TANC1: variants seen among roughly 807,000 people sequenced by gnomAD.
TANC1 encodes the protein protein TANC1.
A neutral mutation model predicts 149.7 loss-of-function variants in TANC1; 77 were observed. The observed-to-expected ratio is 0.51, with a 90% CI of 0.43 to 0.62. The LOEUF (loss-of-function observed/expected upper bound fraction) is 0.62, where lower values mean the gene tolerates loss of function less well. Among genes scored for constraint, TANC1 ranks in the 20% least tolerant of loss-of-function variants. The pLI, the probability that TANC1 is intolerant of heterozygous loss-of-function variation, is 0.00. For missense variants in TANC1, 1,985 were observed against 2,321.8 expected (o/e 0.85, Z 2.98); for synonymous variants, 854 against 925.0 (o/e 0.92, Z 1.39).
At chr2:159,198,532 A>G (rs1177348236) in intron 18 of TANC1, among the ~76,000 whole-genome samples, 1 of 152,266 alleles carries the variant, frequency 6.6e-6, no homozygotes, top group Admixed American at 6.5e-5. Context: ...GGGAAAAAGA[A>G]TAATGCTACC....
At chr2:158,982,373 T>A (rs2034481899) in intron 1 of TANC1, among the ~76,000 whole-genome samples, 2 of 152,236 alleles carry the variant, frequency 1.3e-5, no homozygotes. Flanking sequence ...AAAAGGATGA[T>A]CTTTGAAACC....
intron 3 of TANC1, among the ~76,000 whole-genome samples, chr2:159,076,996 T>C (rs77683756): frequency 1.2e-4 from 19 of 152,198 alleles, no homozygotes; most frequent in African/African-American, 4.1e-4. Context: ...TTTTTTTTTT[T>C]CCTTTAGATT....
chr2:159,030,233 G>A (rs1463661034), intron 2 of TANC1, among the ~76,000 whole-genome samples: 1 of 152,146 alleles, frequency 6.6e-6, no homozygotes, highest in South Asian at 2.1e-4. Context: ...TAAAGCCAAG[G>A]GGGGAATGTC....
At chr2:159,192,034 T>A (rs1164643651) in intron 16 of TANC1, among the ~76,000 whole-genome samples, 3 of 152,028 alleles carry the variant, frequency 2.0e-5, no homozygotes, top group African/African-American at 7.3e-5. Context: ...AAAAAAAAAA[T>A]ATTATTATAC....
In TANC1 at chr2:159,004,718, AAAAC is replaced by A. The variant is rs200532934; in HGVS notation, c.-16+3545_-16+3548del. On this transcript the variant is annotated intron_variant, in intron 2 of 26. Coordinates refer to ENST00000263635, the MANE Select transcript of TANC1 (RefSeq NM_033394.3). ...CCAGTAGAAATAAAAAAAACTTTAC[AAAAC>A]AAACAAACAAACAAAAAAAACCAAT... Among the ~76,000 whole-genome samples the A allele has an allele frequency of 2.2e-3, 331 of 151,878 alleles. 2 individuals are homozygous for A. Among genetic ancestry groups the A allele is most frequent in the African/African-American group, 7.1e-3 (292 of 41,174 alleles).
At position 159,028,540 on chromosome 2, in the gene TANC1, T is replaced by C. The variant is rs557775306; in HGVS notation, c.-16+27351T>C. Among the ~76,000 whole-genome samples the C allele has an allele frequency of 6.0e-4, 91 of 152,330 alleles. 1 individual carries two copies. The South Asian group carries it at 0.017, about 29-fold the overall frequency. On this transcript the variant is annotated intron_variant, in intron 2 of 26. Transcript: ENST00000263635. ...TTTGTATCCTCATATTTTAAAAAAT[T>C]GTGGTTACAAAACAAAACACATGAG...
At chr2:159,043,248 G>T (rs983536497) in intron 2 of TANC1, among the ~76,000 whole-genome samples, 1 of 152,132 alleles carries the variant, frequency 6.6e-6, no homozygotes, top group African/African-American at 2.4e-5. Context: ...TCATAGGGAA[G>T]AGTGCTGACG....
intron 19 of TANC1, among the ~76,000 whole-genome samples, chr2:159,204,323 T>G (rs565076738): frequency 6.6e-6 from 1 of 152,258 alleles, no homozygotes; most frequent in Non-Finnish European, 1.5e-5. Flanking sequence ...TCCTGATTTC[T>G]TGGTGTCCTA....
chr2:159,229,263 GCA>G (rs1231598091), intron 26 of TANC1, among the ~76,000 whole-genome samples: 2 of 152,056 alleles, frequency 1.3e-5, no homozygotes, highest in Non-Finnish European at 2.9e-5. Flanking sequence ...TGAGAGATGG[GCA>G]CAGTGTTACC....
At chr2:159,024,585 T>C (rs2039102174) in intron 2 of TANC1, among the ~76,000 whole-genome samples, 1 of 152,230 alleles carries the variant, frequency 6.6e-6, no homozygotes, top group African/African-American at 2.4e-5. Flanking sequence ...ACCCCGTCTC[T>C]ACTAAAAATA....
intron 1 of TANC1, among the ~76,000 whole-genome samples, chr2:158,982,471 T>C (rs1453603922): frequency 1.3e-5 from 2 of 152,262 alleles, no homozygotes; most frequent in South Asian, 2.1e-4. Flanking sequence ...TCCTGTTTCA[T>C]AGAGGTTATG....
intron 3 of TANC1, among the ~76,000 whole-genome samples, chr2:159,085,480 T>C (rs1011615548): frequency 4.6e-5 from 7 of 152,292 alleles, no homozygotes; most frequent in Admixed American, 1.3e-4. Flanking sequence ...AGGGCCGATA[T>C]ACACAATGGG....
chr2:159,052,766 T>C (rs1223228517), intron 2 of TANC1, among the ~76,000 whole-genome samples: 1 of 152,248 alleles, frequency 6.6e-6, no homozygotes, highest in East Asian at 1.9e-4. Flanking sequence ...TGTAACTTTG[T>C]CACATGGAAA....
At chr2:158,992,364 C>CA (rs34780271) in intron 1 of TANC1, among the ~76,000 whole-genome samples, 31,484 of 132,170 alleles carry the variant, frequency 0.24, 3,624 homozygotes, top group South Asian at 0.47. Flanking sequence ...TACCCTGTCT[C>CA]AAAAAAAAAA....
At chr2:159,039,387 C>G (rs950106358) in intron 2 of TANC1, among the ~76,000 whole-genome samples, 1 of 152,096 alleles carries the variant, frequency 6.6e-6, no homozygotes, top group Non-Finnish European at 1.5e-5. Flanking sequence ...TTCTTGCCTT[C>G]TGCTAGCTTT....
chr2:159,155,983 G>C (rs1051304035), intron 7 of TANC1, among the ~76,000 whole-genome samples: 1 of 152,172 alleles, frequency 6.6e-6, no homozygotes, highest in African/African-American at 2.4e-5. Context: ...GATTCCAGAG[G>C]TAGCTTTAGA....
intron 4 of TANC1, among the ~76,000 whole-genome samples, chr2:159,119,436 T>C (rs2048624467): frequency 6.6e-6 from 1 of 152,172 alleles, no homozygotes; most frequent in African/African-American, 2.4e-5. Flanking sequence ...TCAGTTGGTT[T>C]TAAAAAAAAT....
intron 1 of TANC1, among the ~76,000 whole-genome samples, chr2:158,992,402 A>G (rs953977325): frequency 1.3e-5 from 2 of 150,938 alleles, no homozygotes; most frequent in Non-Finnish European, 3.0e-5. Context: ...TGCAGCAGCC[A>G]TGATTTTATT....
rs187168458 is a variant in TANC1 at position 159,152,998 on chromosome 2, C to T, written c.682+2442C>T. 7.2e-5 allele frequency among the ~76,000 whole-genome samples: 11 copies of T among 151,742 alleles called. No individual in the cohort carries two copies. In the East Asian group the frequency reaches 1.9e-3, roughly 27 times the overall value. Reference sequence around the variant, plus strand: ...TAGCTGACTGATTAGACCCCTCTTACATGTTCCCCATAGTGTCTCAATATT... The same window carrying T: ...TAGCTGACTGATTAGACCCCTCTTATATGTTCCCCATAGTGTCTCAATATT... On this transcript the variant is annotated intron_variant, in intron 7 of 26. Transcript: ENST00000263635.
Sources: gnomAD v4.1 joint callset for allele counts (sites outside exome capture counted in the v4.1 genomes callset) on GRCh38, gnomAD v4.1.1 for gene constraint, MANE v1.5 for transcripts, NCBI Gene and HGNC (gene_info 2026-07-23, HGNC 2026-07-21) for gene names.